The following HPSE variants were observed in gnomAD, a reference collection of about 807,000 sequenced individuals.
HPSE encodes the protein endo-glucoronidase.
A neutral mutation model predicts 65.1 loss-of-function variants in HPSE; 48 were observed. The ratio of observed to expected loss-of-function variants is 0.74; its 90% CI spans 0.58 to 0.94. The LOEUF is 0.94. HPSE is among the 40% of genes least tolerant of loss of function. The probability of loss-of-function intolerance (pLI) is 0.00; values close to 1 mark genes in which losing one functional copy is unlikely to be tolerated. For synonymous variants in HPSE, 243 were observed against 260.0 expected, an observed-to-expected ratio of 0.93 and a Z score of 0.63; for missense variants, 644 against 637.5, an observed-to-expected ratio of 1.01 and a Z score of -0.11.
intron 3 of HPSE, among the ~76,000 whole-genome samples, chr4:83,315,642 A>G (rs1560510874): frequency 6.6e-6 from 1 of 152,134 alleles, no homozygotes; most frequent in Non-Finnish European, 1.5e-5. Context: ...CCACTTATAG[A>G]CTATAATATG....
In HPSE at chr4:83,310,021, A is replaced by G. The variant is rs753539390; in HGVS notation, c.890+10T>C. The G allele has an allele frequency of 6.3e-7, 1 of 1,598,144 alleles. No homozygotes were observed. Among genetic ancestry groups the G allele is most frequent in the Non-Finnish European group, 8.6e-7 (1 of 1,167,292 alleles). On this transcript the variant is annotated intron_variant, in intron 6 of 11. Coordinates refer to ENST00000311412, the MANE Select transcript of HPSE (RefSeq NM_001098540.3). ...ACTTTCCTAGTATTAAGAATAGGAG[A>G]CATACTTACTGATGCCATGTAACTG...
At chr4:83,302,118 G>T in intron 10 of HPSE, 32 bp downstream of exon 10, 2 of 1,447,736 alleles carry the variant, frequency 1.4e-6, no homozygotes, top group Non-Finnish European at 1.9e-6. Context: ...ACTAAAACTT[G>T]ATGATTGGTA....
At chr4:83,308,983 C>CA (rs1464360460) in intron 7 of HPSE, 32 bp from the exon 8 acceptor site, 1 of 1,566,574 alleles carries the variant, frequency 6.4e-7, no homozygotes, top group South Asian at 1.1e-5. Context: ...ATGGTAATTG[C>CA]AAAAAAGCTG....
In HPSE at chr4:83,294,798, T is replaced by G. The variant is rs1735664143; in HGVS notation, c.*546A>C. 6.6e-6 allele frequency: 1 copy of G among 152,272 alleles called. No individual in the cohort carries two copies. Among genetic ancestry groups the G allele is most frequent in the Non-Finnish European group, 1.5e-5 (1 of 68,138 alleles). The allele number at this position is 152,272 out of a possible 1,614,324, so 9.4% of individuals were successfully genotyped here. ...TGCTGGGTGTGGTGGCTCACACCTG[T>G]AATCCCAGCACTTTGAGAGGCTGAG... On this transcript the variant is annotated 3_prime_UTR_variant, in exon 12 of 12. Transcript: ENST00000311412.
intron 8 of HPSE, among the ~76,000 whole-genome samples, chr4:83,306,865 C>G (rs1361194028): frequency 6.6e-6 from 1 of 152,160 alleles, no homozygotes; most frequent in Non-Finnish European, 1.5e-5. Context: ...CTGAACCTCC[C>G]CAAATTGTTC....
chr4:83,293,478 A>T lies in HPSE; in HGVS notation c.*1866T>A, dbSNP rs932909249. On this transcript the variant is annotated 3_prime_UTR_variant, in exon 12 of 12. Coordinates refer to ENST00000311412, the MANE Select transcript of HPSE (RefSeq NM_001098540.3). Reference sequence around the variant, plus strand: ...GAAGAACCCAGATCCCTGGTGACGTACTGAAGTGCTGGAGCCTGGCCTGTT... The same window carrying T: ...GAAGAACCCAGATCCCTGGTGACGTTCTGAAGTGCTGGAGCCTGGCCTGTT... 9 of 152,228 alleles carry T rather than the reference A, an allele frequency of 5.9e-5. No homozygotes were observed. The highest frequency in any genetic ancestry group is 2.2e-4 in the African/African-American group (9 of 41,458). 9.4% of individuals were successfully genotyped at this position (152,228 alleles called of 1,614,324 possible).
chr4:83,310,645 CT>C (rs780103654), intron 5 of HPSE, 76 bp downstream of exon 5: 2 of 1,384,042 alleles, frequency 1.4e-6, no homozygotes, highest in Non-Finnish European at 2.0e-6. Flanking sequence ...GCACTCCAGT[CT>C]GGCTGACAGA....
At position 83,319,574 on chromosome 4, in the gene HPSE, T is replaced by G. The variant is rs1045017527; in HGVS notation, c.374-105A>C. The G allele has an allele frequency of 1.4e-5, 17 of 1,183,074 alleles. 1 individual carries two copies. The highest frequency in any genetic ancestry group is 5.4e-4 in the Middle Eastern group (2 of 3,734). 73.3% of individuals were successfully genotyped at this position (1,183,074 alleles called of 1,614,324 possible). A position where few individuals can be genotyped will look rare whatever the true frequency, so the allele number is the denominator to read the frequency against. ...ATTTATGTGACTAAAGCAGGATAAT[T>G]AAGTTCTGGTTATGAGGTAGGAGAG... On this transcript the variant is annotated intron_variant, in intron 2 of 11. Coordinates refer to ENST00000311412, the MANE Select transcript of HPSE (RefSeq NM_001098540.3).
intron 8 of HPSE, 101 bp downstream of exon 8, chr4:83,308,744 T>A (rs4453925): frequency 2.4e-6 from 2 of 847,732 alleles, no homozygotes; most frequent in African/African-American, 3.4e-5. Context: ...GCCACTGAAA[T>A]GGTCTTTGAT....
Position 83,310,651 on chromosome 4 carries a change from GAC to G in HPSE, c.842+69_842+70del. 11 of 1,437,392 alleles carry G rather than the reference GAC, an allele frequency of 7.7e-6. No homozygotes were observed. The South Asian group carries it at 9.4e-5, about 12-fold the overall frequency. 89.0% of individuals were successfully genotyped at this position (1,437,392 alleles called of 1,614,324 possible). A position where few individuals can be genotyped will look rare whatever the true frequency, so the allele number is the denominator to read the frequency against. ...TGTACCACTGCACTCCAGTCTGGCT[GAC>G]AGAGTGAGACTCTGTCTCAAAAGGA... On this transcript the variant is annotated intron_variant, in intron 5 of 11. Transcript: ENST00000311412.
At chr4:83,302,347 A>G (rs1735984277) in intron 9 of HPSE, 79 bp from the exon 10 acceptor site, 4 of 845,716 alleles carry the variant, frequency 4.7e-6, no homozygotes, top group Non-Finnish European at 7.9e-6. Flanking sequence ...AGTGGCAAGC[A>G]AATAGTTATC....
At chr4:83,330,587 A>G (rs1737323451) in intron 1 of HPSE, among the ~76,000 whole-genome samples, 1 of 152,220 alleles carries the variant, frequency 6.6e-6, no homozygotes, top group South Asian at 2.1e-4. Context: ...GTGAAAAGCA[A>G]CTCTGTCTAT....
At chr4:83,320,429 G>C (rs936904754) in intron 2 of HPSE, among the ~76,000 whole-genome samples, 2 of 152,102 alleles carry the variant, frequency 1.3e-5, no homozygotes, top group African/African-American at 4.8e-5. Flanking sequence ...AGCTGGGCGT[G>C]GTGGTGTGTG....
At chr4:83,318,441 G>A (rs1392199111) in intron 3 of HPSE, among the ~76,000 whole-genome samples, 1 of 152,108 alleles carries the variant, frequency 6.6e-6, no homozygotes, top group Non-Finnish European at 1.5e-5. Flanking sequence ...CCTGGAGCCT[G>A]GCCAACATGG....
chr4:83,292,911 T>C lies in HPSE; in HGVS notation c.*2433A>G, dbSNP rs1031310410. On this transcript the variant is annotated 3_prime_UTR_variant, in exon 12 of 12. Coordinates refer to ENST00000311412, the MANE Select transcript of HPSE (RefSeq NM_001098540.3). ...ATGAAAAATTACCTATTGGGTACAA[T>C]GTACATCACTCAGGTGACAAGTACA... 3.9e-5 allele frequency: 6 copies of C among 152,174 alleles called. No homozygotes were observed. The highest frequency in any genetic ancestry group is 1.4e-4 in the African/African-American group (6 of 41,444). The allele number at this position is 152,174 out of a possible 1,614,324, so 9.4% of individuals were successfully genotyped here.
intron 9 of HPSE, 21 bp from the exon 10 acceptor site, chr4:83,302,289 G>A: frequency 6.7e-7 from 1 of 1,491,092 alleles, no homozygotes; most frequent in African/African-American, 1.4e-5. Context: ...TGGTTGGGGA[G>A]AAAGAGACAA....
At chr4:83,317,264 C>A (rs1420135531) in intron 3 of HPSE, among the ~76,000 whole-genome samples, 1 of 152,166 alleles carries the variant, frequency 6.6e-6, no homozygotes, top group Non-Finnish European at 1.5e-5. Flanking sequence ...TCTCAGCAGC[C>A]TTTTGCTACC....
intron 11 of HPSE, among the ~76,000 whole-genome samples, chr4:83,297,449 C>A (rs1170066029): frequency 2.0e-5 from 3 of 151,946 alleles, no homozygotes; most frequent in African/African-American, 7.3e-5. Context: ...AACATCCATC[C>A]ACTACATAAT....
At chr4:83,307,963 C>G (rs190605851) in intron 8 of HPSE, among the ~76,000 whole-genome samples, 81 of 152,260 alleles carry the variant, frequency 5.3e-4, no homozygotes, top group Admixed American at 1.6e-3. Context: ...TTTAACAAAT[C>G]TTTAAATTTA....
Sources: gnomAD v4.1 joint callset for allele counts (sites outside exome capture counted in the v4.1 genomes callset) on GRCh38, gnomAD v4.1.1 for gene constraint, MANE v1.5 for transcripts, NCBI Gene and HGNC (gene_info 2026-07-23, HGNC 2026-07-21) for gene names.